MAGI2: variants seen among roughly 807,000 people sequenced by gnomAD.
MAGI2 encodes the protein membrane associated guanylate kinase, WW and PDZ domain containing 2.
A neutral mutation model predicts 133.3 loss-of-function variants in MAGI2; 35 were observed. That is an observed-to-expected ratio of 0.26 (90% CI 0.20 to 0.35). The LOEUF (loss-of-function observed/expected upper bound fraction) is 0.35, where lower values mean the gene tolerates loss of function less well. MAGI2 is among the 10% of genes least tolerant of loss of function. The pLI is 1.00. For missense variants in MAGI2, 1,636 were observed against 1,863.4 expected (o/e 0.88, Z 2.25); for synonymous variants, 729 against 710.6 (o/e 1.03, Z -0.41).
chr7:78,433,679 A>G (rs17150731), intron 6 of MAGI2, among the ~76,000 whole-genome samples: 7,019 of 152,190 alleles, frequency 0.046, 255 homozygotes, highest in African/African-American at 0.097. Context: ...AGCATTCATG[A>G]GTTCTCTCAG....
intron 21 of MAGI2, among the ~76,000 whole-genome samples, chr7:78,046,695 T>TA (rs777586761): frequency 7.6e-4 from 115 of 151,402 alleles, no homozygotes; most frequent in African/African-American, 2.5e-3. Context: ...ATGATAGCTC[T>TA]AAAAAAAAAC....
intron 4 of MAGI2, among the ~76,000 whole-genome samples, chr7:78,512,220 A>T (rs938036910): frequency 6.6e-6 from 1 of 151,872 alleles, no homozygotes; most frequent in Admixed American, 6.6e-5. Flanking sequence ...ATTTTTGCAG[A>T]TGTAAACAAC....
intron 1 of MAGI2, among the ~76,000 whole-genome samples, chr7:79,380,577 T>G (rs1193807788): frequency 6.6e-6 from 1 of 151,820 alleles, no homozygotes; most frequent in African/African-American, 2.4e-5. Context: ...TCCTAGTGAT[T>G]TGGCATAACA....
intron 6 of MAGI2, among the ~76,000 whole-genome samples, chr7:78,409,103 T>C (rs775782995): frequency 6.6e-6 from 1 of 152,104 alleles, no homozygotes; most frequent in Non-Finnish European, 1.5e-5. Context: ...TTAATTTTCC[T>C]GTGGGTTTGC....
chr7:78,687,002 G>A (rs901316614), intron 2 of MAGI2, among the ~76,000 whole-genome samples: 5 of 152,164 alleles, frequency 3.3e-5, no homozygotes, highest in African/African-American at 1.2e-4. Context: ...CTAAATCACT[G>A]GTTTCCAAAC....
At chr7:78,023,667 G>T (rs369464082) in intron 21 of MAGI2, among the ~76,000 whole-genome samples, 1 of 152,128 alleles carries the variant, frequency 6.6e-6, no homozygotes, top group African/African-American at 2.4e-5. Context: ...GGCTTCCTCA[G>T]CCTGCCCTCT....
chr7:79,277,954 A>G (rs772006985), intron 1 of MAGI2, among the ~76,000 whole-genome samples: 1 of 152,156 alleles, frequency 6.6e-6, no homozygotes, highest in Non-Finnish European at 1.5e-5. Flanking sequence ...AGGCAGCCCA[A>G]TCATATTGAC....
intron 20 of MAGI2, among the ~76,000 whole-genome samples, chr7:78,122,576 C>A (rs2150501944): frequency 6.6e-6 from 1 of 152,234 alleles, no homozygotes; most frequent in East Asian, 1.9e-4. Flanking sequence ...TGGTACCCAG[C>A]TGCAAGTGAT....
At chr7:78,176,488 C>T (rs150625379) in intron 14 of MAGI2, among the ~76,000 whole-genome samples, 4 of 152,214 alleles carry the variant, frequency 2.6e-5, no homozygotes, top group East Asian at 1.9e-4. Context: ...CAACTCCTCC[C>T]GCAGGGCAGA....
intron 6 of MAGI2, among the ~76,000 whole-genome samples, chr7:78,469,187 T>C (rs549562692): frequency 5.1e-4 from 77 of 152,162 alleles, no homozygotes; most frequent in Non-Finnish European, 9.6e-4. Flanking sequence ...TTAATTTCCA[T>C]ATGAAAATAA....
At chr7:78,658,548 GA>G (rs1163056151) in intron 2 of MAGI2, among the ~76,000 whole-genome samples, 5 of 151,986 alleles carry the variant, frequency 3.3e-5, no homozygotes, top group Non-Finnish European at 7.4e-5. Context: ...TACGGCCTGG[GA>G]AAAAATATTT....
chr7:79,328,064 C>A (rs1347067409), intron 1 of MAGI2, among the ~76,000 whole-genome samples: 2 of 151,980 alleles, frequency 1.3e-5, no homozygotes, highest in East Asian at 3.9e-4. Flanking sequence ...TTATTTAAAC[C>A]AATACTATCA....
At chr7:79,140,916 G>C (rs911819619) in intron 1 of MAGI2, among the ~76,000 whole-genome samples, 4 of 152,122 alleles carry the variant, frequency 2.6e-5, no homozygotes, top group African/African-American at 9.7e-5. Context: ...AGAATATTAA[G>C]TCCTTTGGTT....
At chr7:78,845,620 G>A (rs949907312) in intron 2 of MAGI2, among the ~76,000 whole-genome samples, 4 of 151,872 alleles carry the variant, frequency 2.6e-5, no homozygotes, top group South Asian at 2.1e-4. Context: ...TCAACTAACC[G>A]GTATGGGAAA....
chr7:78,818,914 A>C (rs1222703573), intron 2 of MAGI2, among the ~76,000 whole-genome samples: 1 of 152,162 alleles, frequency 6.6e-6, no homozygotes, highest in Non-Finnish European at 1.5e-5. Context: ...GAACACTACA[A>C]AACTTAACTT....
At chr7:79,427,460 A>T (rs1847467640) in intron 1 of MAGI2, among the ~76,000 whole-genome samples, 1 of 152,180 alleles carries the variant, frequency 6.6e-6, no homozygotes, top group African/African-American at 2.4e-5. Context: ...AAGTGATCTA[A>T]AACAGACAAA....
chr7:78,120,691 AG>A (rs1300507252), intron 20 of MAGI2, among the ~76,000 whole-genome samples: 1 of 152,126 alleles, frequency 6.6e-6, no homozygotes, highest in Non-Finnish European at 1.5e-5. Context: ...GGTGGGACAA[AG>A]AAATACTCAT....
intron 1 of MAGI2, among the ~76,000 whole-genome samples, chr7:79,381,029 C>A (rs1327722442): frequency 6.6e-6 from 1 of 151,724 alleles, no homozygotes; most frequent in Non-Finnish European, 1.5e-5. Context: ...TTAGTGATGC[C>A]TTCCAGTTAT....
intron 1 of MAGI2, among the ~76,000 whole-genome samples, chr7:79,071,847 C>A (rs1156422457): frequency 6.6e-6 from 1 of 152,124 alleles, no homozygotes; most frequent in African/African-American, 2.4e-5. Context: ...CTTCAGACTG[C>A]TGTGCTAGTA....
Sources: gnomAD v4.1 joint callset for allele counts (sites outside exome capture counted in the v4.1 genomes callset) on GRCh38, gnomAD v4.1.1 for gene constraint, MANE v1.5 for transcripts, NCBI Gene and HGNC (gene_info 2026-07-23, HGNC 2026-07-21) for gene names.